The following CPVL variants were observed in gnomAD, a reference collection of about 807,000 sequenced individuals.
CPVL encodes the protein carboxypeptidase vitellogenic like.
A neutral mutation model predicts 63.7 loss-of-function variants in CPVL; 51 were observed. The ratio of observed to expected loss-of-function variants is 0.80; its 90% CI spans 0.64 to 1.01. CPVL has a LOEUF of 1.01. Among genes scored for constraint, CPVL ranks in the 50% least tolerant of loss-of-function variants. The pLI, the probability that CPVL is intolerant of heterozygous loss-of-function variation, is 0.00. For synonymous variants in CPVL, 195 were observed against 206.0 expected (o/e 0.95, Z 0.46); for missense variants, 530 against 573.1 (o/e 0.92, Z 0.77).
At chr7:29,091,416 G>A (rs1562764245) in intron 6 of CPVL, among the ~76,000 whole-genome samples, 1 of 152,082 alleles carries the variant, frequency 6.6e-6, no homozygotes, top group Non-Finnish European at 1.5e-5. Flanking sequence ...AGGTGGGGGC[G>A]GGGAGTAGGT....
At position 29,141,535 on chromosome 7, in the gene CPVL, G is replaced by A. The variant is rs564105404; in HGVS notation, c.-11+4894C>T. On this transcript the variant is annotated intron_variant, in intron 1 of 12. Coordinates refer to ENST00000265394, the MANE Select transcript of CPVL (RefSeq NM_031311.5). ...ACTGCACTCCAGCCTGGGCGACAGG[G>A]TGAAACTCCATTTCAAAAAATAAAA... is the stretch of plus-strand genomic sequence containing the variant. 3.9e-5 allele frequency among the ~76,000 whole-genome samples: 6 copies of A among 152,048 alleles called. No homozygotes were observed. In the East Asian group the frequency reaches 1.2e-3, roughly 29 times the overall value.
At chr7:29,121,126 C>T (rs1789329729) in intron 1 of CPVL, 55 bp from the exon 2 acceptor site, 1 of 1,445,954 alleles carries the variant, frequency 6.9e-7, no homozygotes, top group Non-Finnish European at 9.2e-7. Context: ...ATTTACCTGG[C>T]CCTTTTACAT....
chr7:29,166,375 T>C (rs1189469990), intron 5 of CPVL, among the ~76,000 whole-genome samples: 1 of 152,196 alleles, frequency 6.6e-6, no homozygotes, highest in Non-Finnish European at 1.5e-5. Flanking sequence ...TGAAGTTTTG[T>C]GTAGAATTGA....
chr7:29,038,879 T>C (rs970778698), intron 11 of CPVL, among the ~76,000 whole-genome samples: 1 of 152,210 alleles, frequency 6.6e-6, no homozygotes, highest in African/African-American at 2.4e-5. Context: ...GAAGAGGGCA[T>C]GCTCACTTGT....
intron 12 of CPVL, 33 bp downstream of exon 12, chr7:29,030,544 C>G (rs201063399): frequency 6.3e-7 from 1 of 1,593,166 alleles, no homozygotes; most frequent in Non-Finnish European, 8.5e-7. Flanking sequence ...TCTCCCATTC[C>G]CACAACCTGC....
intron 9 of CPVL, among the ~76,000 whole-genome samples, chr7:29,066,370 C>A (rs1783139707): frequency 6.6e-6 from 1 of 152,128 alleles, no homozygotes; most frequent in South Asian, 2.1e-4. Context: ...ACAAGCATTT[C>A]TAAGTAAATT....
chr7:29,139,591 T>A (rs77877526), intron 1 of CPVL, among the ~76,000 whole-genome samples: 2,937 of 152,272 alleles, frequency 0.019, 86 homozygotes, highest in African/African-American at 0.067. Context: ...ACAGATTTTT[T>A]AAAAATCCTA....
At chr7:29,161,569 C>T (rs1795180917) in intron 5 of CPVL, among the ~76,000 whole-genome samples, 1 of 152,150 alleles carries the variant, frequency 6.6e-6, no homozygotes, top group African/African-American at 2.4e-5. Context: ...CTGGAATGAT[C>T]CCTAACCAAA....
At position 29,004,896 on chromosome 7, in the gene CPVL, CTTTTCT is replaced by C. The variant is rs545738963; in HGVS notation, c.1321-9020_1321-9015del. On this transcript the variant is annotated intron_variant, in intron 12 of 12. Transcript: ENST00000265394. ...TACAAATATGTCTTTTTTTTCTTTT[CTTTTCT>C]TTTTTTTTTTTTGAGACAGGGTCTC... 7.8e-3 allele frequency among the ~76,000 whole-genome samples: 1,134 copies of C among 144,872 alleles called. 6 individuals are homozygous for C. Among genetic ancestry groups the C allele is most frequent in the Middle Eastern group, 0.011 (3 of 270 alleles).
At chr7:29,114,367 G>A (rs915428804) in intron 2 of CPVL, among the ~76,000 whole-genome samples, 101 of 152,260 alleles carry the variant, frequency 6.6e-4, no homozygotes, top group Non-Finnish European at 4.4e-4. Flanking sequence ...AGGAGAGCTG[G>A]GATTAAACAC....
At chr7:29,108,227 C>T (rs1787914512) in intron 3 of CPVL, among the ~76,000 whole-genome samples, 1 of 152,188 alleles carries the variant, frequency 6.6e-6, no homozygotes, top group Non-Finnish European at 1.5e-5. Context: ...GGGGCCTAGG[C>T]CTGACTCTAA....
chr7:29,034,295 C>T (rs892079454), intron 11 of CPVL, among the ~76,000 whole-genome samples: 12 of 151,996 alleles, frequency 7.9e-5, no homozygotes, highest in South Asian at 2.1e-4. Context: ...TTTGTAGAGA[C>T]GGGGTTTCGC....
chr7:29,099,510 G>A (rs1161742007), intron 3 of CPVL, among the ~76,000 whole-genome samples: 2 of 152,116 alleles, frequency 1.3e-5, no homozygotes, highest in African/African-American at 2.4e-5. Context: ...TCAGGAGTTC[G>A]AGACCAGCCT....
rs564375856 is a variant in CPVL, at chr7:29,050,469, T to C, written c.1137+13592A>G. On this transcript the variant is annotated intron_variant, in intron 11 of 12. Coordinates refer to ENST00000265394, the MANE Select transcript of CPVL (RefSeq NM_031311.5). ...CAAGGAGGCAAAAGACCTGGAGAAA[T>C]TGGAACTCATCCATTTTGGTGGAAT... Among the ~76,000 whole-genome samples the C allele has an allele frequency of 3.3e-5, 5 of 151,902 alleles. No individual in the cohort carries two copies. The South Asian group carries it at 8.3e-4, about 25-fold the overall frequency.
exon 1 of CPVL, chr7:29,195,192 A>T (rs1783521506): frequency 4.0e-6 from 2 of 498,460 alleles, no homozygotes; most frequent in African/African-American, 2.0e-5. Flanking sequence ...CTGACAGCGC[A>T]GAGGTGGGAG....
intron 1 of CPVL, among the ~76,000 whole-genome samples, chr7:29,143,561 A>G (rs1412651855): frequency 6.6e-6 from 1 of 152,218 alleles, no homozygotes; most frequent in African/African-American, 2.4e-5. Flanking sequence ...GATATGTGGC[A>G]CTATCTTTTT....
At chr7:29,101,884 C>T (rs1338707282) in intron 3 of CPVL, among the ~76,000 whole-genome samples, 1 of 151,994 alleles carries the variant, frequency 6.6e-6, no homozygotes, top group East Asian at 1.9e-4. Context: ...AGGCTATACT[C>T]TATATATGCT....
intron 9 of CPVL, among the ~76,000 whole-genome samples, chr7:29,069,827 T>TGTGC (rs1554335163): frequency 2.2e-5 from 3 of 135,396 alleles, no homozygotes; most frequent in East Asian, 2.2e-4. Flanking sequence ...TGTGTGTGTG[T>TGTGC]GCATGTAAAT....
intron 3 of CPVL, among the ~76,000 whole-genome samples, chr7:29,184,789 C>T (rs1392848894): frequency 6.6e-6 from 1 of 152,144 alleles, no homozygotes; most frequent in African/African-American, 2.4e-5. Context: ...ACCCCACAGC[C>T]CAATCAAGTT....
Sources: allele counts gnomAD v4.1 joint callset (sites outside exome capture counted in the v4.1 genomes callset), GRCh38; gene constraint gnomAD v4.1.1; transcripts MANE v1.5; gene names NCBI Gene and HGNC (gene_info 2026-07-23, HGNC 2026-07-21).